DIAPH3: variants seen among roughly 807,000 people sequenced by gnomAD.
DIAPH3 encodes the protein diaphanous related formin 3.
DIAPH3 carries 117 observed loss-of-function variants against 144.3 expected under a neutral mutation model. The ratio of observed to expected loss-of-function variants is 0.81; its 90% confidence interval spans 0.70 to 0.95. The LOEUF is 0.95. DIAPH3 is among the 40% of genes least tolerant of loss of function. The probability of loss-of-function intolerance (pLI) is 0.00; values close to 1 mark genes in which losing one functional copy is unlikely to be tolerated. For synonymous variants in DIAPH3, 519 were observed against 488.9 expected (o/e 1.06, Z -0.81); for missense variants, 1,421 against 1,412.7 (o/e 1.01, Z -0.09).
At chr13:60,035,910 A>C (rs1012680728) in intron 5 of DIAPH3, among the ~76,000 whole-genome samples, 8 of 152,332 alleles carry the variant, frequency 5.3e-5, no homozygotes, top group African/African-American at 1.9e-4. Context: ...TACAACTTCT[A>C]TGATGTACTA....
chr13:60,011,589 T>A (rs1199034986), intron 7 of DIAPH3, among the ~76,000 whole-genome samples: 1 of 152,220 alleles, frequency 6.6e-6, no homozygotes, highest in Non-Finnish European at 1.5e-5. Flanking sequence ...ATCCAGTGTG[T>A]ATTTTATACT....
chr13:59,981,365 T>C (rs796438173), intron 13 of DIAPH3, among the ~76,000 whole-genome samples: 11 of 151,446 alleles, frequency 7.3e-5, no homozygotes, highest in African/African-American at 2.7e-4. Context: ...AGGAAACCAA[T>C]AGTGAAAGCT....
intron 27 of DIAPH3, among the ~76,000 whole-genome samples, chr13:59,670,560 G>C (rs532940739): frequency 6.6e-6 from 1 of 151,594 alleles, no homozygotes; most frequent in East Asian, 1.9e-4. Context: ...GCAGGTAGAG[G>C]AAGTGCTCAA....
At position 59,954,439 on chromosome 13, in the gene DIAPH3, A is replaced by C. The variant is rs538102545; in HGVS notation, c.2074+15505T>G. Among the ~76,000 whole-genome samples the C allele has an allele frequency of 3.9e-5, 6 of 152,290 alleles. No homozygotes were observed. The East Asian group carries it at 9.6e-4, about 24-fold the overall frequency. On this transcript the variant is annotated intron_variant, in intron 17 of 27. Coordinates refer to ENST00000400324, the MANE Select transcript of DIAPH3 (RefSeq NM_001042517.2). ...AAATAATGATAAAATTTGGGTTATTATGGTTGTAGGACATGCTTATTCATC... is the reference window on the plus strand; with the variant it reads ...AAATAATGATAAAATTTGGGTTATTCTGGTTGTAGGACATGCTTATTCATC...
chr13:59,708,262 A>C (rs1368154477), intron 27 of DIAPH3, among the ~76,000 whole-genome samples: 1 of 151,932 alleles, frequency 6.6e-6, no homozygotes, highest in Non-Finnish European at 1.5e-5. Flanking sequence ...ATGGAGTCTC[A>C]CTATATTGCC....
intron 3 of DIAPH3, among the ~76,000 whole-genome samples, chr13:60,107,638 C>T (rs779581615): frequency 8.5e-5 from 13 of 152,092 alleles, no homozygotes; most frequent in South Asian, 4.1e-4. Flanking sequence ...TTCAAACATA[C>T]GCTTAAGAGA....
intron 1 of DIAPH3, among the ~76,000 whole-genome samples, chr13:60,152,717 A>G (rs1420277844): frequency 6.6e-6 from 1 of 151,996 alleles, no homozygotes; most frequent in Non-Finnish European, 1.5e-5. Context: ...TTTGTATGAT[A>G]CATACATGAT....
intron 27 of DIAPH3, among the ~76,000 whole-genome samples, chr13:59,717,351 G>A (rs138014489): frequency 6.6e-6 from 1 of 152,282 alleles, no homozygotes; most frequent in East Asian, 1.9e-4. Flanking sequence ...ACTTGACAGT[G>A]TGCAGATGGG....
chr13:59,670,080 T>C (rs1035854564), intron 27 of DIAPH3, among the ~76,000 whole-genome samples: 1 of 152,156 alleles, frequency 6.6e-6, no homozygotes, highest in African/African-American at 2.4e-5. Flanking sequence ...TAAATAATAA[T>C]GGATGGGCCA....
chr13:59,702,615 T>C (rs923642154), intron 27 of DIAPH3, among the ~76,000 whole-genome samples: 23 of 152,168 alleles, frequency 1.5e-4, no homozygotes, highest in Non-Finnish European at 1.9e-4. Context: ...ATTTTCTTAT[T>C]AACAGCAGTA....
At chr13:59,918,576 T>C (rs1355303915) in intron 18 of DIAPH3, among the ~76,000 whole-genome samples, 1 of 152,132 alleles carries the variant, frequency 6.6e-6, no homozygotes, top group East Asian at 1.9e-4. Flanking sequence ...GGGCCAGCTG[T>C]GGGAGCCAAA....
rs771644119 is a variant in DIAPH3, at chr13:60,010,556, T to C, written c.885A>G (p.Val295=). 6.2e-6 allele frequency: 10 copies of C among 1,607,654 alleles called. No homozygotes were observed. Among genetic ancestry groups the C allele is most frequent in the Non-Finnish European group, 8.5e-6 (10 of 1,175,850 alleles). ...ACATGCTTTCTTCCCCTACAATGCA[T>C]ACCGCAGAGAGAAGTTTAACCACAT... ...MTDVVKLLSA[V]CIVGEESILE... is the part of the protein sequence containing the mutation. The change falls in exon 8 of 28, where the codon GTA becomes GTG. Residue 295 remains valine (V), a synonymous_variant. Transcript: ENST00000400324.
At chr13:59,863,965 A>G (rs2139948933) in intron 21 of DIAPH3, among the ~76,000 whole-genome samples, 1 of 152,146 alleles carries the variant, frequency 6.6e-6, no homozygotes, top group Middle Eastern at 3.4e-3. Flanking sequence ...CAACATAGAA[A>G]CTCTAAATTC....
intron 27 of DIAPH3, among the ~76,000 whole-genome samples, chr13:59,700,361 G>A (rs893416491): frequency 6.6e-6 from 1 of 152,258 alleles, no homozygotes; most frequent in Non-Finnish European, 1.5e-5. Flanking sequence ...ATGTGTGCTT[G>A]CAGGGTGAAT....
At chr13:59,959,161 C>A (rs909886001) in intron 17 of DIAPH3, among the ~76,000 whole-genome samples, 1 of 152,082 alleles carries the variant, frequency 6.6e-6, no homozygotes, top group African/African-American at 2.4e-5. Context: ...CAGGTGTGAG[C>A]CACTGCACCC....
At chr13:59,892,501 T>A (rs921479306) in intron 20 of DIAPH3, among the ~76,000 whole-genome samples, 18 of 151,954 alleles carry the variant, frequency 1.2e-4, no homozygotes, top group Non-Finnish European at 2.4e-4. Context: ...AAGTCTAGAT[T>A]TATAAAATGA....
At chr13:60,074,136 C>T (rs970283958) in intron 4 of DIAPH3, among the ~76,000 whole-genome samples, 1 of 152,162 alleles carries the variant, frequency 6.6e-6, no homozygotes, top group Non-Finnish European at 1.5e-5. Context: ...GGGTCTCTCC[C>T]ATTAACTCCA....
At chr13:60,083,426 T>C (rs2057632254) in intron 4 of DIAPH3, among the ~76,000 whole-genome samples, 1 of 151,858 alleles carries the variant, frequency 6.6e-6, no homozygotes, top group African/African-American at 2.4e-5. Flanking sequence ...AACTGCAAAC[T>C]AGATATTAAT....
At chr13:60,032,999 C>T (rs945185813) in intron 5 of DIAPH3, among the ~76,000 whole-genome samples, 19 of 152,174 alleles carry the variant, frequency 1.2e-4, no homozygotes, top group African/African-American at 4.1e-4. Flanking sequence ...CCACCAGATA[C>T]CCTAAATCAC....
Sources: gnomAD v4.1 joint callset for allele counts (sites outside exome capture counted in the v4.1 genomes callset) on GRCh38, gnomAD v4.1.1 for gene constraint, MANE v1.5 for transcripts, NCBI Gene and HGNC (gene_info 2026-07-23, HGNC 2026-07-21) for gene names.